RGS9: variants seen among roughly 807,000 people sequenced by gnomAD.
RGS9 encodes the protein regulator of G protein signaling 9.
RGS9 carries 78 observed loss-of-function variants against 102.0 expected under a neutral mutation model. The observed-to-expected ratio is 0.76, with a 90% CI of 0.64 to 0.92. RGS9 has a LOEUF of 0.92. Ranked by LOEUF, RGS9 falls within the 40% of genes least tolerant of loss-of-function variation. The probability of loss-of-function intolerance (pLI) is 0.00; values close to 1 mark genes in which losing one functional copy is unlikely to be tolerated. For synonymous variants in RGS9, 353 were observed against 318.6 expected (o/e 1.11, Z -1.15); for missense variants, 833 against 866.1 (o/e 0.96, Z 0.48).
intron 8 of RGS9, among the ~76,000 whole-genome samples, chr17:65,172,604 C>A (rs1028502953): frequency 6.6e-6 from 1 of 152,068 alleles, no homozygotes; most frequent in Admixed American, 6.6e-5. Context: ...CTGCTCTATG[C>A]CGGGTGCTTA....
chr17:65,146,808 T>G (rs1382130322), intron 1 of RGS9, among the ~76,000 whole-genome samples: 1 of 152,136 alleles, frequency 6.6e-6, no homozygotes, highest in Non-Finnish European at 1.5e-5. Context: ...AAGAACCGCT[T>G]GAGCCCAGGA....
chr17:65,165,102 C>T (rs1186392633), intron 7 of RGS9, among the ~76,000 whole-genome samples: 1 of 152,190 alleles, frequency 6.6e-6, no homozygotes, highest in African/African-American at 2.4e-5. Flanking sequence ...CCCTCTCCCT[C>T]AACCCCTCCA....
At chr17:65,168,417 G>C in intron 8 of RGS9, 136 bp downstream of exon 8, 2 of 702,814 alleles carry the variant, frequency 2.8e-6, no homozygotes, top group Non-Finnish European at 5.2e-6. Context: ...CTCAGTGTTG[G>C]GTTAGCATCC....
chr17:65,225,724 T>C (rs1277113075), intron 18 of RGS9: 3 of 581,522 alleles, frequency 5.2e-6, no homozygotes, highest in Non-Finnish European at 9.1e-6. Flanking sequence ...ATCTTTTCCA[T>C]TTTTCCAAAT....
At chr17:65,143,286 G>A (rs1453520368) in intron 1 of RGS9, among the ~76,000 whole-genome samples, 5 of 152,156 alleles carry the variant, frequency 3.3e-5, no homozygotes, top group Non-Finnish European at 5.9e-5. Context: ...CGTTGATGGG[G>A]CCACTGTTGA....
At position 65,160,263 on chromosome 17, in the gene RGS9, G is replaced by A. The variant is rs771246224; in HGVS notation, c.236G>A (p.Arg79Lys). Residue 79 changes from arginine (R) to lysine (K), a missense_variant, in exon 4 of 19, where the codon AGG becomes AAG. Transcript: ENST00000262406. ...CAGAACTTGGGCAACTTTATTGTCA[G>A]GTATGGCTACATTTACCCCCTGCAA... The part of the protein sequence containing the change: ...EAQNLGNFIV[R>K]YGYIYPLQDP... The A allele has an allele frequency of 6.2e-7, 1 of 1,614,162 alleles. No homozygotes were observed. Among genetic ancestry groups the A allele is most frequent in the South Asian group, 1.1e-5 (1 of 91,082 alleles).
intron 12 of RGS9, among the ~76,000 whole-genome samples, chr17:65,194,448 A>G (rs1912504208): frequency 6.6e-6 from 1 of 152,180 alleles, no homozygotes; most frequent in Admixed American, 6.5e-5. Flanking sequence ...TGGTGACTCT[A>G]TGTTTAACAA....
chr17:65,149,779 G>A (rs1910508362), intron 1 of RGS9, among the ~76,000 whole-genome samples: 1 of 152,120 alleles, frequency 6.6e-6, no homozygotes, highest in Non-Finnish European at 1.5e-5. Flanking sequence ...AATTCTAAGA[G>A]ATTATAGAAT....
chr17:65,145,706 C>G (rs1488920353), intron 1 of RGS9, among the ~76,000 whole-genome samples: 1 of 152,022 alleles, frequency 6.6e-6, no homozygotes, highest in Non-Finnish European at 1.5e-5. Flanking sequence ...CATTTCACCT[C>G]TTTAAAGACC....
chr17:65,156,494 C>T (rs1910772678), intron 2 of RGS9, among the ~76,000 whole-genome samples: 1 of 152,196 alleles, frequency 6.6e-6, no homozygotes, highest in South Asian at 2.1e-4. Flanking sequence ...AGGGAGAAGC[C>T]CTGGTCCTGC....
intron 13 of RGS9, among the ~76,000 whole-genome samples, chr17:65,200,749 G>A (rs1263045050): frequency 6.6e-6 from 1 of 152,138 alleles, no homozygotes; most frequent in African/African-American, 2.4e-5. Context: ...ACCACTTATA[G>A]GTGGATTTTT....
At chr17:65,189,072 G>T in intron 9 of RGS9, 2 of 594,528 alleles carry the variant, frequency 3.4e-6, no homozygotes, top group South Asian at 4.0e-5. Context: ...GGTAAATTAC[G>T]CTCCTTCGCT....
chr17:65,163,964 T>C (rs750423544), intron 7 of RGS9, among the ~76,000 whole-genome samples: 102 of 152,218 alleles, frequency 6.7e-4, no homozygotes, highest in African/African-American at 8.9e-4. Flanking sequence ...AGTGATCAGA[T>C]TGTCATGTTA....
intron 16 of RGS9, among the ~76,000 whole-genome samples, chr17:65,208,817 C>T (rs77850540): frequency 0.037 from 5,565 of 151,896 alleles, 129 homozygotes; most frequent in South Asian, 0.068. Context: ...GGGGGATGGC[C>T]GGACCAGAGC....
rs755536115 is a variant in RGS9 at position 65,137,615 on chromosome 17, C to T, written c.57+18C>T. ...TCCAAAAGGTAACCCTGGCCCCTCA[C>T]CTGGACCCTGGGAGGAGGGCGGGGG... On this transcript the variant is annotated intron_variant, in intron 1 of 18. Coordinates refer to ENST00000262406, the MANE Select transcript of RGS9 (RefSeq NM_003835.4). 3 of 1,613,322 alleles carry T rather than the reference C, an allele frequency of 1.9e-6. 1 individual carries two copies. The highest frequency in any genetic ancestry group is 2.2e-5 in the South Asian group (2 of 91,058).
At chr17:65,137,913 T>C (rs1365738393) in intron 1 of RGS9, among the ~76,000 whole-genome samples, 1 of 152,218 alleles carries the variant, frequency 6.6e-6, no homozygotes, top group Admixed American at 6.5e-5. Flanking sequence ...GATATTGTTG[T>C]AAGACGACCA....
chr17:65,197,517 T>G (rs1158028011), intron 13 of RGS9, among the ~76,000 whole-genome samples: 1 of 152,148 alleles, frequency 6.6e-6, no homozygotes, highest in Non-Finnish European at 1.5e-5. Context: ...GCTCCATCCA[T>G]CCTGGATGCC....
At chr17:65,161,406 C>G (rs890883837) in intron 6 of RGS9, among the ~76,000 whole-genome samples, 1 of 152,134 alleles carries the variant, frequency 6.6e-6, no homozygotes, top group African/African-American at 2.4e-5. Context: ...CGTGTGCCAC[C>G]ACGCCTGGCT....
chr17:65,189,641 G>T (rs545233020), intron 10 of RGS9, among the ~76,000 whole-genome samples: 1 of 152,266 alleles, frequency 6.6e-6, no homozygotes, highest in Non-Finnish European at 1.5e-5. Context: ...TCATTACAGG[G>T]CCAGAATCTA....
Sources: gnomAD v4.1 joint callset for allele counts (sites outside exome capture counted in the v4.1 genomes callset) on GRCh38, gnomAD v4.1.1 for gene constraint, MANE v1.5 for transcripts, NCBI Gene and HGNC (gene_info 2026-07-23, HGNC 2026-07-21) for gene names.